Variants in ZMYM4 observed in about 807,000 individuals in gnomAD.
ZMYM4 encodes zinc finger MYM-type protein 4.
A neutral mutation model predicts 183.2 loss-of-function variants in ZMYM4; 31 were observed. The observed-to-expected ratio is 0.17, with a 90% CI of 0.13 to 0.23. The LOEUF is 0.23. ZMYM4 is among the 10% of genes least tolerant of loss of function. The probability of loss-of-function intolerance (pLI) is 1.00; values close to 1 mark genes in which losing one functional copy is unlikely to be tolerated. For synonymous variants in ZMYM4, 592 were observed against 631.2 expected, an observed-to-expected ratio of 0.94 and a Z score of 0.93; for missense variants, 1,273 against 1,840.3, an observed-to-expected ratio of 0.69 and a Z score of 5.64.
intron 9 of ZMYM4, among the ~76,000 whole-genome samples, chr1:35,382,391 A>G (rs1004280396): frequency 6.6e-6 from 1 of 151,568 alleles, no homozygotes; most frequent in African/African-American, 2.4e-5. Context: ...TATAAGTAGC[A>G]GTTTTATTCA....
intron 2 of ZMYM4, among the ~76,000 whole-genome samples, chr1:35,355,011 G>A (rs1218182174): frequency 6.6e-6 from 1 of 151,382 alleles, no homozygotes; most frequent in South Asian, 2.1e-4. Context: ...CTATAATATA[G>A]CTGCAAGACT....
At chr1:35,408,645 G>A (rs2149031831) in intron 26 of ZMYM4, among the ~76,000 whole-genome samples, 1 of 152,274 alleles carries the variant, frequency 6.6e-6, no homozygotes, top group Non-Finnish European at 1.5e-5. Context: ...ACGGAGGCAG[G>A]AGGATCACCT....
intron 2 of ZMYM4, among the ~76,000 whole-genome samples, chr1:35,352,269 G>GCGCACGCA (rs1366886543): frequency 1.6e-5 from 2 of 124,526 alleles, no homozygotes; most frequent in African/African-American, 6.7e-5. Context: ...ACGCGCGCGC[G>GCGCACGCA]CACACACACA....
At chr1:35,382,338 GTAT>G (rs1188093890) in intron 9 of ZMYM4, among the ~76,000 whole-genome samples, 1 of 151,192 alleles carries the variant, frequency 6.6e-6, no homozygotes, top group African/African-American at 2.4e-5. Context: ...TACATAAGTA[GTAT>G]TTGTTGAATA....
At chr1:35,382,171 T>TATAC (rs1265324436) in intron 9 of ZMYM4, among the ~76,000 whole-genome samples, 4 of 127,562 alleles carry the variant, frequency 3.1e-5, no homozygotes, top group African/African-American at 1.4e-4. Context: ...AAAATGTATA[T>TATAC]ATACACACAT....
intron 1 of ZMYM4, among the ~76,000 whole-genome samples, chr1:35,277,022 G>T (rs1278248824): frequency 6.6e-6 from 1 of 152,126 alleles, no homozygotes; most frequent in African/African-American, 2.4e-5. Context: ...TTGGCTGATT[G>T]AATCCTTGTT....
chr1:35,407,875 G>A (rs1377358118), intron 25 of ZMYM4, 133 bp from the exon 26 acceptor site: 3 of 1,112,300 alleles, frequency 2.7e-6, no homozygotes, highest in Non-Finnish European at 3.9e-6. Flanking sequence ...ATCAGAATCT[G>A]TCTTTAATCC....
intron 2 of ZMYM4, among the ~76,000 whole-genome samples, chr1:35,336,160 CTG>C (rs1355513802): frequency 6.6e-6 from 1 of 152,174 alleles, no homozygotes; most frequent in Non-Finnish European, 1.5e-5. Context: ...ATGGTAGTAA[CTG>C]TGTGTACGTT....
At chr1:35,415,795 T>C (rs777490428) in intron 28 of ZMYM4, 81 bp downstream of exon 28, 603 of 1,515,486 alleles carry the variant, frequency 4.0e-4, no homozygotes, top group South Asian at 2.4e-4. Context: ...GAAAGGTAAT[T>C]ATAAATGCTA....
chr1:35,337,573 A>G (rs1643026214), intron 2 of ZMYM4, among the ~76,000 whole-genome samples: 1 of 152,212 alleles, frequency 6.6e-6, no homozygotes, highest in Non-Finnish European at 1.5e-5. Flanking sequence ...CTAAAGGGCC[A>G]GATAGTAAAC....
At chr1:35,335,426 G>A (rs537100804) in intron 2 of ZMYM4, among the ~76,000 whole-genome samples, 4 of 151,806 alleles carry the variant, frequency 2.6e-5, no homozygotes, top group Non-Finnish European at 5.9e-5. Flanking sequence ...TAGTAGAGAC[G>A]AGGTTTCACC....
Position 35,380,937 on chromosome 1 carries a change from T to TAGAAA in ZMYM4, c.1182-315_1182-311dup, listed in dbSNP as rs1024616520. Among the ~76,000 whole-genome samples the TAGAAA allele has an allele frequency of 8.5e-5, 13 of 152,298 alleles. 2 individuals are homozygous for TAGAAA. The highest frequency in any genetic ancestry group is 2.6e-4 in the African/African-American group (11 of 41,578). Reference sequence around the variant, plus strand: ...AATATTTTGAAAATACAGATAATTCTAGAAAAGAAAAATCTCGTATAATCC... The same window carrying TAGAAA: ...AATATTTTGAAAATACAGATAATTCTAGAAAAGAAAAGAAAAATCTCGTATAATCC... On this transcript the variant is annotated intron_variant, in intron 7 of 29. Transcript: ENST00000314607.
At chr1:35,321,287 G>C (rs534301185) in intron 1 of ZMYM4, among the ~76,000 whole-genome samples, 2 of 152,226 alleles carry the variant, frequency 1.3e-5, no homozygotes, top group South Asian at 4.1e-4. Context: ...TTGTGTGTGA[G>C]ATTATGGTAC....
intron 9 of ZMYM4, among the ~76,000 whole-genome samples, chr1:35,382,730 C>T (rs569266093): frequency 5.9e-5 from 9 of 152,020 alleles, no homozygotes; most frequent in Admixed American, 2.6e-4. Context: ...ATTACAGGTG[C>T]GAGCCACCAC....
chr1:35,280,978 A>AT (rs907898747), intron 1 of ZMYM4, among the ~76,000 whole-genome samples: 5 of 152,058 alleles, frequency 3.3e-5, no homozygotes, highest in Admixed American at 6.6e-5. Context: ...TTAAAAATTG[A>AT]TTTTTTTATA....
intron 5 of ZMYM4, among the ~76,000 whole-genome samples, chr1:35,363,313 G>T (rs533352610): frequency 1.3e-5 from 2 of 152,162 alleles, no homozygotes; most frequent in Non-Finnish European, 1.5e-5. Flanking sequence ...TTTTGGACAG[G>T]ATTTCTCAAA....
Position 35,396,535 on chromosome 1 carries a change from G to C in ZMYM4, c.2912-17G>C, listed in dbSNP as rs1237156287. The C allele has an allele frequency of 1.2e-6, 2 of 1,607,462 alleles. No individual in the cohort carries two copies. Among genetic ancestry groups the C allele is most frequent in the African/African-American group, 2.7e-5 (2 of 74,418 alleles). ...AACCCTCTTTGCTTTTTGTGATTTTGTTGTTGTTACTGTTAGAAGACACTC... is the reference window on the plus strand; with the variant it reads ...AACCCTCTTTGCTTTTTGTGATTTTCTTGTTGTTACTGTTAGAAGACACTC... On this transcript the variant is annotated splice_polypyrimidine_tract_variant and intron_variant, in intron 18 of 29. Transcript: ENST00000314607.
At chr1:35,412,690 C>T (rs111300765) in intron 26 of ZMYM4, among the ~76,000 whole-genome samples, 127 of 151,852 alleles carry the variant, frequency 8.4e-4, no homozygotes, top group African/African-American at 1.9e-3. Flanking sequence ...TTTTCAATAA[C>T]GAAGATATAT....
intron 1 of ZMYM4, among the ~76,000 whole-genome samples, chr1:35,286,877 C>T (rs774327741): frequency 7.3e-6 from 1 of 137,374 alleles, no homozygotes. Flanking sequence ...CAGTCCTCCA[C>T]CTCTGCCTCC....
Sources: allele counts gnomAD v4.1 joint callset (sites outside exome capture counted in the v4.1 genomes callset), GRCh38; gene constraint gnomAD v4.1.1; transcripts MANE v1.5; gene names NCBI Gene and HGNC (gene_info 2026-07-23, HGNC 2026-07-21).